The following MICU1 variants were observed in gnomAD, a reference collection of about 807,000 sequenced individuals.
The protein encoded by MICU1 is mitochondrial calcium uptake 1, also known as calcium uptake protein 1, mitochondrial.
In MICU1, 45 loss-of-function variants were observed where a neutral mutation model predicts 56.8. The observed-to-expected ratio is 0.79, with a 90% CI of 0.62 to 1.02. MICU1 has a LOEUF of 1.02. Among genes scored for constraint, MICU1 ranks in the 50% least tolerant of loss-of-function variants. MICU1 has a pLI of 0.00. For missense variants in MICU1, 504 were observed against 587.1 expected, an observed-to-expected ratio of 0.86 and a Z score of 1.46; for synonymous variants, 186 against 195.1, an observed-to-expected ratio of 0.95 and a Z score of 0.39.
chr10:72,505,751 G>C (rs935737634), intron 6 of MICU1, among the ~76,000 whole-genome samples: 1 of 152,116 alleles, frequency 6.6e-6, no homozygotes. Flanking sequence ...ATAAGTGGGA[G>C]CTAAACACTG....
intron 1 of MICU1, among the ~76,000 whole-genome samples, chr10:72,591,169 T>C (rs1219857136): frequency 6.6e-6 from 1 of 151,916 alleles, no homozygotes; most frequent in Admixed American, 6.6e-5. Flanking sequence ...CAAAAGAAAT[T>C]AGAACATACT....
intron 4 of MICU1, among the ~76,000 whole-genome samples, chr10:72,546,834 C>T (rs1199999486): frequency 6.6e-6 from 1 of 151,938 alleles, no homozygotes; most frequent in African/African-American, 2.4e-5. Context: ...CAAGTGATCC[C>T]TCCACCTCAG....
chr10:72,475,431 A>AC, intron 7 of MICU1, 134 bp from the exon 8 acceptor site: 1 of 855,258 alleles, frequency 1.2e-6, no homozygotes, highest in Non-Finnish European at 1.7e-6. Context: ...AATGCTTACA[A>AC]CAATTTTTTT....
chr10:72,497,671 G>C (rs1332124935), intron 6 of MICU1, among the ~76,000 whole-genome samples: 1 of 152,180 alleles, frequency 6.6e-6, no homozygotes, highest in Non-Finnish European at 1.5e-5. Flanking sequence ...TAAGTGAGAA[G>C]AGTTCTAAGG....
At chr10:72,594,826 C>T (rs1243000787) in intron 1 of MICU1, among the ~76,000 whole-genome samples, 1 of 149,090 alleles carries the variant, frequency 6.7e-6, no homozygotes, top group Non-Finnish European at 1.5e-5. Flanking sequence ...AGGACGATCA[C>T]TTGAGCCCAG....
In MICU1 at chr10:72,566,783, A is replaced by G. The variant is rs1426806909; in HGVS notation, c.11T>C (p.Leu4Pro). ...TTCTGCCAAAGCAGAAAGTGAGTTC[A>G]GACGAAACATCCTGTGGACAATAAG... MFR[L>P]NSLSALAELA... Residue 4 changes from leucine (L) to proline (P), a missense_variant, in exon 2 of 12, where the codon CTG becomes CCG. By Grantham distance (98) the Leu-to-Pro change is moderately conservative. Coordinates refer to ENST00000361114, the MANE Select transcript of MICU1 (RefSeq NM_001195518.2). The G allele has an allele frequency of 6.2e-7, 1 of 1,610,722 alleles. No homozygotes were observed. Among genetic ancestry groups the G allele is most frequent in the East Asian group, 2.2e-5 (1 of 44,806 alleles).
At chr10:72,554,866 T>C (rs1415324788) in intron 3 of MICU1, among the ~76,000 whole-genome samples, 2 of 151,986 alleles carry the variant, frequency 1.3e-5, no homozygotes, top group Non-Finnish European at 2.9e-5. Flanking sequence ...AATACAAAAA[T>C]TAGGTAGTTG....
intron 4 of MICU1, among the ~76,000 whole-genome samples, chr10:72,542,269 T>G (rs979885921): frequency 1.3e-5 from 2 of 152,102 alleles, no homozygotes; most frequent in Non-Finnish European, 2.9e-5. Flanking sequence ...TTTCACCCAT[T>G]TAAAAAATGT....
chr10:72,389,965 T>C (rs151270809), intron 10 of MICU1, among the ~76,000 whole-genome samples: 75 of 152,308 alleles, frequency 4.9e-4, no homozygotes, highest in African/African-American at 1.7e-3. Flanking sequence ...GAATGAGCAA[T>C]AGAACCAGTT....
intron 6 of MICU1, chr10:72,477,466 C>A: frequency 1.3e-6 from 2 of 1,506,384 alleles, no homozygotes; most frequent in Non-Finnish European, 1.8e-6. Flanking sequence ...AGTAGTACTA[C>A]GGCCAGTAAA....
At chr10:72,530,582 T>C (rs891772490) in intron 5 of MICU1, among the ~76,000 whole-genome samples, 6 of 152,150 alleles carry the variant, frequency 3.9e-5, no homozygotes, top group Admixed American at 2.6e-4. Context: ...CCATTCTTTA[T>C]ACGAGACCTA....
chr10:72,448,210 T>TTTC, intron 8 of MICU1, among the ~76,000 whole-genome samples: 1 of 131,428 alleles, frequency 7.6e-6, no homozygotes, highest in South Asian at 2.5e-4. Context: ...TTTTTTTTTT[T>TTTC]TTTTTTTGAG....
At chr10:72,523,177 A>G (rs552027179) in intron 5 of MICU1, among the ~76,000 whole-genome samples, 68 of 152,280 alleles carry the variant, frequency 4.5e-4, no homozygotes, top group African/African-American at 1.6e-3. Flanking sequence ...TCCAGCCGTA[A>G]GCCATACAAT....
chr10:72,444,444 CTTTTTTTT>C (rs754274260), intron 8 of MICU1, among the ~76,000 whole-genome samples: 1 of 107,666 alleles, frequency 9.3e-6, no homozygotes, highest in Non-Finnish European at 1.8e-5. Context: ...GAGTCTTTGC[CTTTTTTTT>C]TTTTTTTTTT....
intron 5 of MICU1, chr10:72,532,903 T>A: frequency 1.7e-6 from 2 of 1,187,022 alleles, no homozygotes; most frequent in South Asian, 1.7e-5. Context: ...TATGGACTTT[T>A]ATGTAATAAT....
intron 9 of MICU1, among the ~76,000 whole-genome samples, chr10:72,421,203 ATC>A (rs1258090312): frequency 6.6e-6 from 1 of 151,032 alleles, no homozygotes; most frequent in Non-Finnish European, 1.5e-5. Flanking sequence ...CTGTTTGTTC[ATC>A]TCTCTCTCAG....
At chr10:72,426,343 C>T (rs1192215059) in intron 8 of MICU1, among the ~76,000 whole-genome samples, 1 of 151,344 alleles carries the variant, frequency 6.6e-6, no homozygotes, top group Non-Finnish European at 1.5e-5. Flanking sequence ...TTCTTGAGCA[C>T]CAACACGTTG....
chr10:72,540,198 T>C (rs947992854), intron 4 of MICU1, among the ~76,000 whole-genome samples: 5 of 142,048 alleles, frequency 3.5e-5, no homozygotes, highest in Admixed American at 3.1e-4. Flanking sequence ...ACCCAGGAGA[T>C]GGAGGTTGCA....
intron 6 of MICU1, among the ~76,000 whole-genome samples, chr10:72,503,516 A>C (rs1214817794): frequency 1.3e-5 from 2 of 152,216 alleles, no homozygotes; most frequent in Admixed American, 6.5e-5. Flanking sequence ...TGAACTGGAC[A>C]GCCCTCACAA....
Sources: gnomAD v4.1 joint callset for allele counts (sites outside exome capture counted in the v4.1 genomes callset) on GRCh38, gnomAD v4.1.1 for gene constraint, MANE v1.5 for transcripts, NCBI Gene and HGNC (gene_info 2026-07-23, HGNC 2026-07-21) for gene names.